Variants in DENND5B observed in about 807,000 individuals in gnomAD.
DENND5B encodes DENN domain containing 5B.
A neutral mutation model predicts 140.6 loss-of-function variants in DENND5B; 34 were observed. That is an observed-to-expected ratio of 0.24 (90% CI 0.18 to 0.32). The LOEUF is 0.32. DENND5B is among the 10% of genes least tolerant of loss of function. The pLI is 1.00. For missense variants in DENND5B, 1,142 were observed against 1,560.2 expected, an observed-to-expected ratio of 0.73 and a Z score of 4.52; for synonymous variants, 551 against 562.1, an observed-to-expected ratio of 0.98 and a Z score of 0.28.
intron 19 of DENND5B, among the ~76,000 whole-genome samples, chr12:31,390,534 G>C (rs1201154076): frequency 1.3e-5 from 2 of 152,046 alleles, no homozygotes; most frequent in African/African-American, 4.8e-5. Flanking sequence ...AGCTACTCAG[G>C]CTGAGGCAGG....
chr12:31,452,202 C>T lies in DENND5B; in HGVS notation c.1367G>A (p.Arg456His), dbSNP rs776650601. 3.7e-6 allele frequency: 6 copies of T among 1,613,900 alleles called. No homozygotes were observed. Among genetic ancestry groups the T allele is most frequent in the Non-Finnish European group, 4.2e-6 (5 of 1,179,890 alleles). ...AGTACGCTTGGCCAGAGCCTGCAAG[C>T]GGGCTATGGTTTCATTGCCCTTCAG... Reference protein sequence around the residue: ...ELLKGNETIARLQALAKRTGV... With the variant: ...ELLKGNETIAHLQALAKRTGV... The change falls in exon 5 of 21, where the codon CGC becomes CAC. Residue 456 changes from arginine to histidine, a missense_variant. Coordinates refer to ENST00000389082, the MANE Select transcript of DENND5B (RefSeq NM_144973.4).
chr12:31,537,038 A>T lies in DENND5B; in HGVS notation c.128-41119T>A, dbSNP rs1485639236. On this transcript the variant is annotated intron_variant, in intron 1 of 20. Transcript: ENST00000389082. The stretch of plus-strand genomic sequence containing the variant: ...TTCCCAGACAAACAAACACTGAGGG[A>T]TTTCATCAACACCAGATCTAGCCTA... 2.6e-5 allele frequency among the ~76,000 whole-genome samples: 4 copies of T among 152,198 alleles called. No homozygotes were observed. The South Asian group carries it at 8.3e-4, about 31-fold the overall frequency.
chr12:31,544,933 T>C (rs1022800032), intron 1 of DENND5B, among the ~76,000 whole-genome samples: 3 of 151,508 alleles, frequency 2.0e-5, no homozygotes, highest in African/African-American at 7.3e-5. Flanking sequence ...AAATAGACAA[T>C]AAACAAAGAA....
At chr12:31,584,317 T>A (rs1950315038) in intron 1 of DENND5B, among the ~76,000 whole-genome samples, 1 of 152,200 alleles carries the variant, frequency 6.6e-6, no homozygotes, top group Admixed American at 6.5e-5. Context: ...TATGCTGGTG[T>A]GTCCTGTATT....
At chr12:31,466,291 T>G (rs1315757203) in intron 3 of DENND5B, among the ~76,000 whole-genome samples, 1 of 151,572 alleles carries the variant, frequency 6.6e-6, no homozygotes, top group Non-Finnish European at 1.5e-5. Flanking sequence ...AGGCAGAGTT[T>G]GCAGTGAGAC....
At chr12:31,557,262 TATCTC>T (rs1365131977) in intron 1 of DENND5B, among the ~76,000 whole-genome samples, 5 of 152,252 alleles carry the variant, frequency 3.3e-5, no homozygotes, top group African/African-American at 9.6e-5. Context: ...TATTAGTAGT[TATCTC>T]TAAACAGTTG....
chr12:31,569,135 A>G (rs2139383350), intron 1 of DENND5B, among the ~76,000 whole-genome samples: 1 of 138,790 alleles, frequency 7.2e-6, no homozygotes, highest in East Asian at 2.1e-4. Context: ...GGTGAAATCT[A>G]GGCTCAATGA....
intron 1 of DENND5B, among the ~76,000 whole-genome samples, chr12:31,525,407 T>C (rs1200316100): frequency 6.6e-6 from 1 of 152,214 alleles, no homozygotes; most frequent in Non-Finnish European, 1.5e-5. Flanking sequence ...CTTGAAAATA[T>C]GCAAAGTGAA....
chr12:31,559,297 A>T (rs1452617649), intron 1 of DENND5B, among the ~76,000 whole-genome samples: 2 of 152,208 alleles, frequency 1.3e-5, no homozygotes, highest in Non-Finnish European at 2.9e-5. Context: ...CTGGAAACAC[A>T]GAATAAAAGA....
intron 5 of DENND5B, among the ~76,000 whole-genome samples, chr12:31,448,337 A>G (rs1285452553): frequency 1.3e-5 from 2 of 151,816 alleles, no homozygotes; most frequent in African/African-American, 2.4e-5. Flanking sequence ...GGGTTTCACC[A>G]TGTTAGCCAA....
intron 1 of DENND5B, among the ~76,000 whole-genome samples, chr12:31,514,096 T>C (rs1189480181): frequency 1.3e-5 from 2 of 149,860 alleles, no homozygotes; most frequent in African/African-American, 2.4e-5. Flanking sequence ...TCCTCCCACC[T>C]CAGCCTCACA....
intron 3 of DENND5B, among the ~76,000 whole-genome samples, chr12:31,472,137 G>A (rs928552192): frequency 2.0e-5 from 3 of 152,166 alleles, no homozygotes; most frequent in African/African-American, 4.8e-5. Context: ...CTAACATTAC[G>A]AGAAGCCTTA....
chr12:31,464,512 T>C (rs1591840636), intron 3 of DENND5B, among the ~76,000 whole-genome samples: 1 of 152,178 alleles, frequency 6.6e-6, no homozygotes, highest in East Asian at 1.9e-4. Flanking sequence ...ATGGTCTCTC[T>C]TCCCCAATAC....
intron 17 of DENND5B, among the ~76,000 whole-genome samples, chr12:31,393,135 T>C (rs907274825): frequency 5.9e-5 from 9 of 152,192 alleles, no homozygotes; most frequent in Admixed American, 5.9e-4. Flanking sequence ...TGTTCCCTTA[T>C]GCTACCCACC....
Position 31,577,362 on chromosome 12 carries a change from G to A in DENND5B, c.127+13344C>T, listed in dbSNP as rs184175291. Among the ~76,000 whole-genome samples, 545 of 152,276 alleles carry A rather than the reference G, an allele frequency of 3.6e-3. 2 individuals are homozygous for A. Among genetic ancestry groups the A allele is most frequent in the African/African-American group, 0.013 (526 of 41,558 alleles). ...AGCAAAATTAAGTGGATTTTCATCA[G>A]AAGGTCTCTGGGAATCTATAAAAAT... On this transcript the variant is annotated intron_variant, in intron 1 of 20. Coordinates refer to ENST00000389082, the MANE Select transcript of DENND5B (RefSeq NM_144973.4).
chr12:31,486,114 T>C (rs776870112), intron 2 of DENND5B, among the ~76,000 whole-genome samples: 3 of 152,172 alleles, frequency 2.0e-5, no homozygotes, highest in African/African-American at 4.8e-5. Context: ...CCAAAATTCA[T>C]ATGCTGGAAC....
At chr12:31,423,756 A>G (rs577298351) in intron 10 of DENND5B, 81 bp from the exon 11 acceptor site, 1 of 1,429,696 alleles carries the variant, frequency 7.0e-7, no homozygotes, top group East Asian at 2.3e-5. Flanking sequence ...TTCATATTCC[A>G]ATAGCCATTT....
intron 1 of DENND5B, among the ~76,000 whole-genome samples, chr12:31,579,721 AGAGGGAAGGG>A (rs1050566776): frequency 2.1e-4 from 17 of 79,450 alleles, no homozygotes; most frequent in Admixed American, 3.8e-4. Flanking sequence ...AGTGAGAGAA[AGAGGGAAGGG>A]GAGGGGAGGG....
intron 1 of DENND5B, chr12:31,534,947 G>A: frequency 3.5e-6 from 1 of 285,718 alleles, no homozygotes; most frequent in South Asian, 3.3e-5. Flanking sequence ...GGCGGCGTGT[G>A]CCTGTAGTCC....
Sources: allele counts gnomAD v4.1 joint callset (sites outside exome capture counted in the v4.1 genomes callset), GRCh38; gene constraint gnomAD v4.1.1; transcripts MANE v1.5; gene names NCBI Gene and HGNC (gene_info 2026-07-23, HGNC 2026-07-21).